C2CD3: variants seen among roughly 807,000 people sequenced by gnomAD.
The protein encoded by C2CD3 is C2 domain containing 3 centriole elongation regulator, also known as C2 domain-containing protein 3.
A neutral mutation model predicts 234.0 loss-of-function variants in C2CD3; 148 were observed. That is an observed-to-expected ratio of 0.63 (90% CI 0.55 to 0.72). C2CD3 has a LOEUF of 0.72. Among genes scored for constraint, C2CD3 ranks in the 30% least tolerant of loss-of-function variants. The pLI is 0.00. For synonymous variants in C2CD3, 1,000 were observed against 1,035.4 expected (o/e 0.97, Z 0.66); for missense variants, 2,577 against 2,811.5 (o/e 0.92, Z 1.89).
intron 26 of C2CD3, among the ~76,000 whole-genome samples, 166 bp from the exon 27 acceptor site, chr11:74,049,708 T>C (rs1179197244): frequency 6.6e-6 from 1 of 152,190 alleles, no homozygotes; most frequent in Non-Finnish European, 1.5e-5. Context: ...AACCAAAGCC[T>C]GCCTTCCCTG....
Position 74,113,831 on chromosome 11 carries a change from C to T in C2CD3, c.1792G>A (p.Ala598Thr), listed in dbSNP as rs779381037. ...AGTCGAACAACCTCAGTGATCAAAG[C>T]TGTCTTTCCCAATCCGCTTTCCGAA... The part of the protein sequence containing the change: ...GFSESGLGKT[A>T]LITEVVRLAS... The change falls in exon 11 of 33, where the codon GCT becomes ACT. Residue 598 changes from alanine to threonine, a missense_variant. Physicochemically the swap from Ala to Thr is moderately conservative, Grantham distance 58. Transcript: ENST00000334126. 3 of 1,611,594 alleles carry T rather than the reference C, an allele frequency of 1.9e-6. No individual in the cohort carries two copies. Among genetic ancestry groups the T allele is most frequent in the Non-Finnish European group, 8.5e-7 (1 of 1,179,314 alleles).
intron 18 of C2CD3, among the ~76,000 whole-genome samples, chr11:74,093,533 T>G (rs925533667): frequency 6.6e-6 from 1 of 151,600 alleles, no homozygotes; most frequent in African/African-American, 2.4e-5. Context: ...ACAAAAAAGG[T>G]GATTGATATG....
chr11:74,064,620 C>A (rs57877505), intron 24 of C2CD3, among the ~76,000 whole-genome samples: 11,351 of 152,168 alleles, frequency 0.075, 1,370 homozygotes, highest in African/African-American at 0.26. Context: ...CCAAGACAAT[C>A]CTACGCCAAA....
At chr11:74,161,813 CTT>C (rs927069098) in intron 2 of C2CD3, among the ~76,000 whole-genome samples, 10 of 131,882 alleles carry the variant, frequency 7.6e-5, no homozygotes, top group African/African-American at 2.0e-4. Flanking sequence ...TGAAGTTCTA[CTT>C]TTTTTTTTTT....
chr11:74,111,935 C>T (rs867992281), intron 11 of C2CD3, among the ~76,000 whole-genome samples: 3,954 of 134,336 alleles, frequency 0.029, 199 homozygotes, highest in African/African-American at 0.11. Context: ...CACACACACA[C>T]ACACACACAC....
intron 20 of C2CD3, among the ~76,000 whole-genome samples, chr11:74,089,149 T>C (rs1239400876): frequency 6.6e-6 from 1 of 152,200 alleles, no homozygotes; most frequent in Non-Finnish European, 1.5e-5. Flanking sequence ...ATCACTGCTA[T>C]CAACAATGGG....
chr11:74,125,060 C>T (rs931312139), intron 7 of C2CD3, among the ~76,000 whole-genome samples: 6 of 152,146 alleles, frequency 3.9e-5, no homozygotes, highest in Admixed American at 2.0e-4. Flanking sequence ...AAGTCAAATA[C>T]GACTACAAGG....
Position 74,161,568 on chromosome 11 carries a change from C to A in C2CD3, c.326-12G>T. On this transcript the variant is annotated splice_polypyrimidine_tract_variant and intron_variant, in intron 2 of 32. Transcript: ENST00000334126. ...CAGCACAGCCATATCTAACCAGAAA[C>A]AATTACAACATGGATATTTTTCATT... 1 of 1,525,200 alleles carries A rather than the reference C, an allele frequency of 6.6e-7. No individual in the cohort carries two copies. The highest frequency in any genetic ancestry group is 1.3e-5 in the South Asian group (1 of 78,930). 94.5% of individuals were successfully genotyped at this position (1,525,200 alleles called of 1,614,324 possible).
chr11:74,092,775 C>T (rs185609861), intron 18 of C2CD3, among the ~76,000 whole-genome samples, 187 bp from the exon 19 acceptor site: 2 of 151,876 alleles, frequency 1.3e-5, no homozygotes, highest in East Asian at 1.9e-4. Flanking sequence ...TAAATTATAC[C>T]GAGTTCAGGA....
intron 22 of C2CD3, 93 bp downstream of exon 22, chr11:74,084,788 G>T: frequency 1.3e-6 from 1 of 773,714 alleles, no homozygotes. Context: ...GTTTTCTTTT[G>T]AATATCTTAC....
At chr11:74,132,060 C>G (rs1001383289) in intron 7 of C2CD3, among the ~76,000 whole-genome samples, 3 of 152,120 alleles carry the variant, frequency 2.0e-5, no homozygotes, top group Non-Finnish European at 4.4e-5. Context: ...AGTAAAAATA[C>G]TATGTGTTGG....
At chr11:74,137,017 T>C (rs984300756) in intron 5 of C2CD3, among the ~76,000 whole-genome samples, 1 of 150,936 alleles carries the variant, frequency 6.6e-6, no homozygotes, top group African/African-American at 2.4e-5. Context: ...TAATGTTACC[T>C]TCTTTCTCTT....
chr11:74,061,921 G>C (rs1466987316), intron 24 of C2CD3, among the ~76,000 whole-genome samples: 1 of 152,080 alleles, frequency 6.6e-6, no homozygotes, highest in Non-Finnish European at 1.5e-5. Context: ...TAAAGGGATG[G>C]AGGAAGATCT....
Position 74,114,603 on chromosome 11 carries a change from G to A in C2CD3, c.1521-10C>T, listed in dbSNP as rs749457336. The A allele has an allele frequency of 1.1e-5, 17 of 1,585,436 alleles. No homozygotes were observed. The highest frequency in any genetic ancestry group is 1.4e-5 in the Non-Finnish European group (16 of 1,153,980). On this transcript the variant is annotated splice_polypyrimidine_tract_variant and intron_variant, in intron 9 of 32. Transcript: ENST00000334126. ...TTGTTCAACCAAATTTCTGAAAGGAGTTCACACAAGCAGTGAGGCATACTG... is the reference window on the plus strand; with the variant it reads ...TTGTTCAACCAAATTTCTGAAAGGAATTCACACAAGCAGTGAGGCATACTG...
In C2CD3 at chr11:74,103,641, G is replaced by A; in HGVS notation, c.2086-16C>T. On this transcript the variant is annotated splice_polypyrimidine_tract_variant and intron_variant, in intron 13 of 32. Transcript: ENST00000334126. ...CCATGGTTACCTGTAAAACACAAAA[G>A]GAGAAGAGTCAATAAGAATGTCCTT... 1 of 1,592,894 alleles carries A rather than the reference G, an allele frequency of 6.3e-7. No individual in the cohort carries two copies. The highest frequency in any genetic ancestry group is 8.5e-7 in the Non-Finnish European group (1 of 1,170,754).
intron 11 of C2CD3, among the ~76,000 whole-genome samples, chr11:74,109,717 G>A (rs1209644187): frequency 6.6e-6 from 1 of 152,142 alleles, no homozygotes; most frequent in African/African-American, 2.4e-5. Context: ...AAGTGTAAGT[G>A]GATAAAGTGA....
At position 74,095,309 on chromosome 11, in the gene C2CD3, C is replaced by A; in HGVS notation, c.3079G>T (p.Ala1027Ser). 1.2e-6 allele frequency: 2 copies of A among 1,613,482 alleles called. No individual in the cohort carries two copies. The highest frequency in any genetic ancestry group is 1.7e-6 in the Non-Finnish European group (2 of 1,179,462). Residue 1027 changes from alanine (A) to serine (S), a missense_variant, in exon 17 of 33, where the codon GCA becomes TCA. Coordinates refer to ENST00000334126, the MANE Select transcript of C2CD3 (RefSeq NM_001286577.2). Reference protein sequence around the residue: ...APLQATVWGEADCYVQYYFPV... With the variant: ...APLQATVWGESDCYVQYYFPV... Reference sequence around the variant, plus strand: ...AAGTAGTACTGGACATAACAATCTGCTTCTCCCCAGACTGTTGCCTGAAGA... The same window carrying A: ...AAGTAGTACTGGACATAACAATCTGATTCTCCCCAGACTGTTGCCTGAAGA...
intron 32 of C2CD3, among the ~76,000 whole-genome samples, chr11:74,014,459 G>A (rs1951806852): frequency 6.6e-6 from 1 of 152,196 alleles, no homozygotes; most frequent in Non-Finnish European, 1.5e-5. Context: ...GAAGAAGCTT[G>A]GTGGAGACCC....
intron 28 of C2CD3, among the ~76,000 whole-genome samples, chr11:74,043,055 G>T (rs1287717307): frequency 6.6e-6 from 1 of 152,242 alleles, no homozygotes; most frequent in African/African-American, 2.4e-5. Context: ...TTATTCAATG[G>T]TTTTTAGTAT....
Sources: allele counts gnomAD v4.1 joint callset (sites outside exome capture counted in the v4.1 genomes callset), GRCh38; gene constraint gnomAD v4.1.1; transcripts MANE v1.5; gene names NCBI Gene and HGNC (gene_info 2026-07-23, HGNC 2026-07-21).